Variants in C10orf90 observed in about 807,000 individuals in gnomAD.
C10orf90 encodes the protein chromosome 10 open reading frame 90.
A neutral mutation model predicts 62.5 loss-of-function variants in C10orf90; 56 were observed. That is an observed-to-expected ratio of 0.90 (90% CI 0.72 to 1.12). The LOEUF (loss-of-function observed/expected upper bound fraction) is 1.12, where lower values mean the gene tolerates loss of function less well. C10orf90 is among the 50% of genes most tolerant of loss of function. C10orf90 has a pLI of 0.00. For missense variants in C10orf90, 970 were observed against 880.4 expected, an observed-to-expected ratio of 1.10 and a Z score of -1.29; for synonymous variants, 386 against 340.4, an observed-to-expected ratio of 1.13 and a Z score of -1.47.
intron 4 of C10orf90, among the ~76,000 whole-genome samples, chr10:126,466,707 C>T (rs1860309004): frequency 6.6e-6 from 1 of 152,166 alleles, no homozygotes. Context: ...AGAAACCCAG[C>T]TTTCCATGTT....
chr10:126,605,562 G>T (rs765516447), intron 2 of C10orf90, among the ~76,000 whole-genome samples: 1 of 152,204 alleles, frequency 6.6e-6, no homozygotes, highest in Non-Finnish European at 1.5e-5. Context: ...GAAAAGATGT[G>T]TTGAATCCTC....
rs897263531 is a variant in C10orf90 at position 126,456,037 on chromosome 10, A to G, written c.2188+3003T>C. 6.6e-6 allele frequency among the ~76,000 whole-genome samples: 1 copy of G among 152,258 alleles called. No homozygotes were observed. The highest frequency in any genetic ancestry group is 2.4e-5 in the African/African-American group (1 of 41,472). ...AGGCAGCTACCCCAGCACCAAAAGC[A>G]AATAGGAGTCTTCTTTTTAACAGAC... On this transcript the variant is annotated intron_variant, in intron 7 of 9. Transcript: ENST00000488181. The surrounding 1 kb of genome is among the most constrained non-coding windows in gnomAD (Gnocchi z 4.9).
At chr10:126,667,514 C>T (rs575014066) in intron 1 of C10orf90, among the ~76,000 whole-genome samples, 8 of 152,196 alleles carry the variant, frequency 5.3e-5, no homozygotes, top group Non-Finnish European at 1.2e-4. Context: ...GAAACTGTCG[C>T]CTGTCAGAGG....
At chr10:126,597,371 T>C (rs1191097378) in intron 2 of C10orf90, among the ~76,000 whole-genome samples, 1 of 152,214 alleles carries the variant, frequency 6.6e-6, no homozygotes, top group Non-Finnish European at 1.5e-5. Flanking sequence ...TTCATCAGCC[T>C]AGAGGCGAGA....
At chr10:126,608,773 A>G (rs1845369260) in intron 2 of C10orf90, among the ~76,000 whole-genome samples, 1 of 151,672 alleles carries the variant, frequency 6.6e-6, no homozygotes, top group Admixed American at 6.5e-5. Flanking sequence ...TTAGAAAATT[A>G]TAGTTATTTT....
intron 2 of C10orf90, among the ~76,000 whole-genome samples, chr10:126,608,037 C>T (rs560642463): frequency 3.3e-5 from 5 of 152,232 alleles, no homozygotes; most frequent in South Asian, 2.1e-4. Context: ...TTTTCCAAGA[C>T]GAAACGAGTT....
intron 2 of C10orf90, among the ~76,000 whole-genome samples, chr10:126,550,710 A>G (rs1472966329): frequency 1.3e-5 from 2 of 152,162 alleles, no homozygotes; most frequent in African/African-American, 4.8e-5. Context: ...GTGTTTCACC[A>G]TGTTGGCCAG....
chr10:126,445,430 T>C (rs1264529957), intron 7 of C10orf90, among the ~76,000 whole-genome samples: 1 of 152,110 alleles, frequency 6.6e-6, no homozygotes, highest in East Asian at 1.9e-4. Flanking sequence ...ACATCACTAA[T>C]GACCAGGGAA....
chr10:126,652,427 T>C (rs1429709424), intron 1 of C10orf90, among the ~76,000 whole-genome samples: 1 of 152,198 alleles, frequency 6.6e-6, no homozygotes, highest in East Asian at 1.9e-4. Context: ...TTATTTCTCC[T>C]TCACTTTTGT....
At chr10:126,663,384 C>T (rs558995836) in intron 1 of C10orf90, among the ~76,000 whole-genome samples, 14 of 151,572 alleles carry the variant, frequency 9.2e-5, no homozygotes, top group South Asian at 4.1e-4. Context: ...CAGAAGAAGA[C>T]GTAACATAGA....
At position 126,425,766 on chromosome 10, in the gene C10orf90, T is replaced by C; in HGVS notation, c.*98A>G. 4 of 1,252,452 alleles carry C rather than the reference T, an allele frequency of 3.2e-6. No homozygotes were observed. Among genetic ancestry groups the C allele is most frequent in the Non-Finnish European group, 4.4e-6 (4 of 909,062 alleles). The allele number at this position is 1,252,452 out of a possible 1,614,324, so 77.6% of individuals were successfully genotyped here. A position where few individuals can be genotyped will look rare whatever the true frequency, so the allele number is the denominator to read the frequency against. On this transcript the variant is annotated 3_prime_UTR_variant, in exon 10 of 10. Transcript: ENST00000488181. ...AAAAAAAAATCGAAAGTAAAATAAG[T>C]GTTTTCCCATGATGAAGATAATGCT...
At chr10:126,496,771 T>A in intron 4 of C10orf90, 1 of 943,498 alleles carries the variant, frequency 1.1e-6, no homozygotes, top group Non-Finnish European at 1.3e-6. Context: ...ACTTAAGGGA[T>A]CGTGACATAA....
intron 3 of C10orf90, among the ~76,000 whole-genome samples, chr10:126,509,878 G>A (rs146563639): frequency 1.3e-5 from 2 of 152,254 alleles, no homozygotes; most frequent in East Asian, 1.9e-4. Context: ...GGCTACCATA[G>A]CACCAAAGTA....
chr10:126,555,132 G>C (rs1174450241), intron 2 of C10orf90, among the ~76,000 whole-genome samples: 3 of 152,182 alleles, frequency 2.0e-5, no homozygotes, highest in East Asian at 3.9e-4. Flanking sequence ...AGTTCAATAA[G>C]GAAGGTGGGG....
chr10:126,481,235 A>T (rs560740188), intron 4 of C10orf90, among the ~76,000 whole-genome samples: 1 of 152,264 alleles, frequency 6.6e-6, no homozygotes, highest in East Asian at 1.9e-4. Context: ...ACATCATCTG[A>T]CTTCAGTGCT....
At chr10:126,634,448 C>T (rs912602864) in intron 2 of C10orf90, among the ~76,000 whole-genome samples, 6 of 152,074 alleles carry the variant, frequency 3.9e-5, no homozygotes, top group African/African-American at 1.2e-4. Context: ...ACAGTGGTTA[C>T]CAGAGCTGGA....
At chr10:126,440,920 C>T (rs1858274959) in intron 7 of C10orf90, among the ~76,000 whole-genome samples, 1 of 152,206 alleles carries the variant, frequency 6.6e-6, no homozygotes, top group East Asian at 1.9e-4. Flanking sequence ...TTCCCTCTGA[C>T]AGAGCCTACC....
intron 7 of C10orf90, among the ~76,000 whole-genome samples, chr10:126,454,249 T>G (rs961750525): frequency 1.3e-5 from 2 of 150,084 alleles, no homozygotes; most frequent in African/African-American, 4.9e-5. Context: ...TGTACCCATA[T>G]GACTTGCAGA....
intron 2 of C10orf90, among the ~76,000 whole-genome samples, chr10:126,533,831 C>T (rs746295904): frequency 8.5e-5 from 13 of 152,224 alleles, no homozygotes; most frequent in South Asian, 4.1e-4. Context: ...ATTGCAGAAG[C>T]TAACAAGTGG....
Sources: gnomAD v4.1 joint callset for allele counts (sites outside exome capture counted in the v4.1 genomes callset) on GRCh38, gnomAD v4.1.1 for gene constraint, Gnocchi (gnomAD v3.1) non-coding constraint, MANE v1.5 for transcripts, NCBI Gene and HGNC (gene_info 2026-07-23, HGNC 2026-07-21) for gene names.